The following SCN9A variants were observed in gnomAD, a reference collection of about 807,000 sequenced individuals.
SCN9A encodes sodium voltage-gated channel alpha subunit 9, also known as sodium channel protein type 9 subunit alpha.
In SCN9A, 131 loss-of-function variants were observed where a neutral mutation model predicts 187.0. The ratio of observed to expected loss-of-function variants is 0.70; its 90% CI spans 0.61 to 0.81. The LOEUF is 0.81. Ranked by LOEUF, SCN9A falls within the 30% of genes least tolerant of loss-of-function variation. The pLI is 0.00. For synonymous variants in SCN9A, 809 were observed against 808.6 expected, an observed-to-expected ratio of 1.00 and a Z score of -0.01; for missense variants, 2,252 against 2,396.6, an observed-to-expected ratio of 0.94 and a Z score of 1.26.
At position 166,195,650 on chromosome 2, in the gene SCN9A, C is replaced by A. The variant is rs1693224701; in HGVS notation, c.*3022G>T. 1 of 152,164 alleles carries A rather than the reference C, an allele frequency of 6.6e-6. No individual in the cohort carries two copies. The highest frequency in any genetic ancestry group is 1.5e-5 in the Non-Finnish European group (1 of 68,024). 9.4% of individuals were successfully genotyped at this position (152,164 alleles called of 1,614,324 possible). Reference sequence around the variant, plus strand: ...AAGTATTTTGGGTTGTGATGTTCAACAATCAGCATTTAAAAACAGCTCACA... The same window carrying A: ...AAGTATTTTGGGTTGTGATGTTCAAAAATCAGCATTTAAAAACAGCTCACA... On this transcript the variant is annotated 3_prime_UTR_variant, in exon 27 of 27. Coordinates refer to ENST00000642356, the MANE Select transcript of SCN9A (RefSeq NM_001365536.1).
At chr2:166,324,735 C>A (rs573226807) in intron 1 of SCN9A, among the ~76,000 whole-genome samples, 9 of 152,210 alleles carry the variant, frequency 5.9e-5, no homozygotes, top group African/African-American at 1.9e-4. Context: ...AGAAAAATAT[C>A]AGACAAATAC....
rs137991586 is a variant in SCN9A at position 166,235,738 on chromosome 2, C to G, written c.3802-2276G>C. On this transcript the variant is annotated intron_variant, in intron 20 of 26. Coordinates refer to ENST00000642356, the MANE Select transcript of SCN9A (RefSeq NM_001365536.1). ...GTCCCAAAATTTGCATCTCTGTCAG[C>G]AAGAATATTGTGTGGAGCTTTACTC... Among the ~76,000 whole-genome samples, 169 of 151,750 alleles carry G rather than the reference C, an allele frequency of 1.1e-3. 1 individual carries two copies. The highest frequency in any genetic ancestry group is 4.0e-3 in the African/African-American group (165 of 41,422).
chr2:166,270,738 C>A (rs149560370), intron 17 of SCN9A, among the ~76,000 whole-genome samples: 1 of 147,820 alleles, frequency 6.8e-6, no homozygotes, highest in Non-Finnish European at 1.5e-5. Flanking sequence ...GATTCTCATG[C>A]CTCAGCCTCC....
intron 1 of SCN9A, among the ~76,000 whole-genome samples, chr2:166,336,248 C>T (rs567022998): frequency 3.9e-5 from 6 of 152,116 alleles, no homozygotes; most frequent in African/African-American, 1.2e-4. Flanking sequence ...GGCATTTAAG[C>T]GATTTAATCA....
Position 166,306,951 on chromosome 2 carries a change from G to A in SCN9A, c.377+5C>T, listed in dbSNP as rs200972952. 5 of 1,476,702 alleles carry A rather than the reference G, an allele frequency of 3.4e-6. No homozygotes were observed. The highest frequency in any genetic ancestry group is 3.8e-6 in the Non-Finnish European group (4 of 1,057,696). The allele number at this position is 1,476,702 out of a possible 1,614,324, so 91.5% of individuals were successfully genotyped here. ...CACTGGATGTAATCATTTTTAAAAG[G>A]ATATGAGTGTACTAAAATCTTAATA... On this transcript the variant is annotated splice_donor_5th_base_variant and intron_variant, in intron 3 of 26. Transcript: ENST00000642356.
rs573486932 is a variant in SCN9A at position 166,235,418 on chromosome 2, C to A, written c.3802-1956G>T. Among the ~76,000 whole-genome samples, 145 of 152,086 alleles carry A rather than the reference C, an allele frequency of 9.5e-4. 1 individual carries two copies. In the Middle Eastern group the frequency reaches 0.01, roughly 11 times the overall value. ...AAGTAAGTTTCAAATAACCCAGAAG[C>A]CTGCAGAAATCAGACAAGTCCATTC... is the stretch of plus-strand genomic sequence containing the variant. On this transcript the variant is annotated intron_variant, in intron 20 of 26. Transcript: ENST00000642356.
At chr2:166,207,395 G>A (rs75860694) in intron 24 of SCN9A, among the ~76,000 whole-genome samples, 9,913 of 151,726 alleles carry the variant, frequency 0.065, 372 homozygotes, top group Non-Finnish European at 0.089. Flanking sequence ...ACACCTAATG[G>A]TAACCAGACT....
At chr2:166,244,058 G>C (rs758245454) in intron 18 of SCN9A, among the ~76,000 whole-genome samples, 2 of 152,040 alleles carry the variant, frequency 1.3e-5, no homozygotes, top group Admixed American at 6.6e-5. Context: ...AGGACTACCA[G>C]GTGGATGTTA....
At position 166,284,670 on chromosome 2, in the gene SCN9A, C is replaced by T. The variant is rs1574864414; in HGVS notation, c.1757G>A (p.Gly586Asp). Residue 586 changes from glycine (G) to aspartate (D), a missense_variant, in exon 12 of 27, where the codon GGC becomes GAC. Coordinates refer to ENST00000642356, the MANE Select transcript of SCN9A (RefSeq NM_001365536.1). ...SIFGDNESRR[G>D]SLFVPHRPQE... ...GGGTCTGTGGGGCACAAACAGTGAG[C>T]CCCTTCTGCTCTCATTGTCTCCAAA... The T allele has an allele frequency of 6.2e-7, 1 of 1,613,966 alleles. No homozygotes were observed. Among genetic ancestry groups the T allele is most frequent in the Non-Finnish European group, 8.5e-7 (1 of 1,179,880 alleles).
At chr2:166,222,930 CA>C (rs1369885268) in intron 24 of SCN9A, among the ~76,000 whole-genome samples, 1 of 19,538 alleles carries the variant, frequency 5.1e-5, no homozygotes, top group East Asian at 3.4e-3. Context: ...AACTCCGTCT[CA>C]AAAAAAAAAA....
rs185808274 is a variant in SCN9A at position 166,253,030 on chromosome 2, C to G, written c.3352-1145G>C. Among the ~76,000 whole-genome samples the G allele has an allele frequency of 9.2e-5, 14 of 151,888 alleles. No homozygotes were observed. The East Asian group carries it at 2.7e-3, about 29-fold the overall frequency. On this transcript the variant is annotated intron_variant, in intron 17 of 26. Transcript: ENST00000642356. ...TGCAAGTGCTAAAAATAATAAAATA[C>G]TTATTTCAGATAAATTGATTCTCAA...
At chr2:166,329,482 TA>T (rs1348059712) in intron 1 of SCN9A, among the ~76,000 whole-genome samples, 1 of 151,662 alleles carries the variant, frequency 6.6e-6, no homozygotes, top group Non-Finnish European at 1.5e-5. Context: ...TACATGTAGA[TA>T]GTAAAAAAAA....
chr2:166,300,002 C>A (rs901564480), intron 7 of SCN9A, among the ~76,000 whole-genome samples: 1 of 150,578 alleles, frequency 6.6e-6, no homozygotes, highest in Non-Finnish European at 1.5e-5. Flanking sequence ...TCTTTTTTCT[C>A]TTCATTTCTC....
At chr2:166,374,064 C>A (rs1484733136) in intron 1 of SCN9A, among the ~76,000 whole-genome samples, 1 of 152,032 alleles carries the variant, frequency 6.6e-6, no homozygotes, top group African/African-American at 2.4e-5. Context: ...GAAGCATTAC[C>A]ACAGAAGGGC....
At chr2:166,232,498 A>C (rs1361007244) in intron 21 of SCN9A, among the ~76,000 whole-genome samples, 1 of 152,158 alleles carries the variant, frequency 6.6e-6, no homozygotes, top group Non-Finnish European at 1.5e-5. Flanking sequence ...TTCTTAAACA[A>C]ATATTATTTG....
chr2:166,311,794 T>C lies in SCN9A; in HGVS notation c.-38A>G. On this transcript the variant is annotated 5_prime_UTR_variant, in exon 2 of 27. It removes the in-frame stop codon of an upstream open reading frame in the 5' UTR. Transcript: ENST00000642356. ...TATATTTTAATTCCTCTTCAGCTCC[T>C]CACATAAGAGGCCTGGATGGAAACA... is the stretch of plus-strand genomic sequence containing the variant. 6.5e-7 allele frequency: 1 copy of C among 1,537,506 alleles called. No individual in the cohort carries two copies. Among genetic ancestry groups the C allele is most frequent in the Non-Finnish European group, 8.8e-7 (1 of 1,137,228 alleles).
At chr2:166,325,457 C>T (rs1238120214) in intron 1 of SCN9A, among the ~76,000 whole-genome samples, 1 of 152,006 alleles carries the variant, frequency 6.6e-6, no homozygotes, top group African/African-American at 2.4e-5. Context: ...GAGCTTATGA[C>T]TTATAAACAT....
intron 1 of SCN9A, among the ~76,000 whole-genome samples, chr2:166,314,849 G>T (rs1226141623): frequency 6.6e-6 from 1 of 152,136 alleles, no homozygotes; most frequent in African/African-American, 2.4e-5. Flanking sequence ...AGAGTATGGG[G>T]CTTCTTTTGG....
At chr2:166,319,355 A>G (rs1276250394) in intron 1 of SCN9A, among the ~76,000 whole-genome samples, 2 of 151,854 alleles carry the variant, frequency 1.3e-5, no homozygotes, top group Non-Finnish European at 2.9e-5. Context: ...AGAGCAAAAA[A>G]AAAAAAGTAC....
Sources: allele counts gnomAD v4.1 joint callset (sites outside exome capture counted in the v4.1 genomes callset), GRCh38; gene constraint gnomAD v4.1.1; transcripts MANE v1.5; gene names NCBI Gene and HGNC (gene_info 2026-07-23, HGNC 2026-07-21).